The following DST variants were observed in gnomAD, a reference collection of about 807,000 sequenced individuals.
DST encodes the protein bullous pemphigoid antigen.
Under a neutral mutation model 875.2 loss-of-function variants are expected in DST, and 253 were observed. That is an observed-to-expected ratio of 0.29 (90% confidence interval 0.26 to 0.32). The LOEUF is 0.32. Among genes scored for constraint, DST ranks in the 10% least tolerant of loss-of-function variants. The pLI is 1.00. For missense variants in DST, 8,287 were observed against 9,111.6 expected (o/e 0.91, Z 3.68); for synonymous variants, 3,124 against 3,197.1 (o/e 0.98, Z 0.77).
At chr6:56,495,110 T>TA (rs1243347775) in intron 82 of DST, among the ~76,000 whole-genome samples, 7 of 151,802 alleles carry the variant, frequency 4.6e-5, no homozygotes, top group Non-Finnish European at 8.8e-5. Flanking sequence ...TCTTAAGCTT[T>TA]AAAAAAAGCC....
chr6:56,629,146 T>G, intron 32 of DST, 104 bp downstream of exon 32: 1 of 1,132,158 alleles, frequency 8.8e-7, no homozygotes, highest in Non-Finnish European at 1.3e-6. Context: ...AATTAACAAA[T>G]TAACTATGGA....
intron 4 of DST, among the ~76,000 whole-genome samples, chr6:56,798,225 G>A (rs1306096186): frequency 6.6e-6 from 1 of 152,202 alleles, no homozygotes; most frequent in Non-Finnish European, 1.5e-5. Context: ...CTTTATTGGA[G>A]ATGCCACATA....
At chr6:56,469,676 T>G (rs780998935) in intron 97 of DST, among the ~76,000 whole-genome samples, 1 of 152,168 alleles carries the variant, frequency 6.6e-6, no homozygotes, top group African/African-American at 2.4e-5. Flanking sequence ...ATGATGTAGA[T>G]GTCAAAGATA....
At chr6:56,854,915 C>T (rs995796466) in intron 3 of DST, among the ~76,000 whole-genome samples, 1 of 152,164 alleles carries the variant, frequency 6.6e-6, no homozygotes, top group Non-Finnish European at 1.5e-5. Context: ...CAGGTTAAGA[C>T]CCCAATTCAC....
chr6:56,815,545 T>G (rs4348308), intron 4 of DST, among the ~76,000 whole-genome samples: 24,783 of 152,192 alleles, frequency 0.16, 2,235 homozygotes, highest in Non-Finnish European at 0.19. Flanking sequence ...ACTCTGCTTT[T>G]AGAACTGGGT....
Position 56,804,439 on chromosome 6 carries a change from T to C in DST, c.625+46958A>G, listed in dbSNP as rs76750859. ...ACTAAAATTTACTATTGATACTATA[T>C]ACTGATTTAAAGAGAAAGAAATAAC... On this transcript the variant is annotated intron_variant, in intron 4 of 103. Transcript: ENST00000680361. Among the ~76,000 whole-genome samples, 516 of 152,322 alleles carry C rather than the reference T, an allele frequency of 3.4e-3. 4 individuals are homozygous for C. The highest frequency in any genetic ancestry group is 0.012 in the African/African-American group (501 of 41,582).
intron 5 of DST, among the ~76,000 whole-genome samples, chr6:56,724,624 C>T (rs888785175): frequency 2.6e-5 from 4 of 152,212 alleles, no homozygotes; most frequent in African/African-American, 7.2e-5. Flanking sequence ...ATAATCCAAA[C>T]AGTCTCTGCC....
chr6:56,492,809 T>C (rs2095795442), intron 84 of DST, 125 bp downstream of exon 84: 1 of 825,464 alleles, frequency 1.2e-6, no homozygotes, highest in South Asian at 2.4e-5. Context: ...GAGGCAGAGG[T>C]TGAAGTAAGC....
At chr6:56,697,892 T>C (rs1463530001) in intron 9 of DST, among the ~76,000 whole-genome samples, 1 of 152,218 alleles carries the variant, frequency 6.6e-6, no homozygotes, top group African/African-American at 2.4e-5. Flanking sequence ...ATCAACTTTT[T>C]GGCCAGTTCT....
At chr6:56,706,313 CAA>C (rs201903761) in intron 5 of DST, among the ~76,000 whole-genome samples, 3 of 119,682 alleles carry the variant, frequency 2.5e-5, no homozygotes, top group Admixed American at 8.8e-5. Context: ...GACTCCGTCT[CAA>C]AAAAAAAAAA....
chr6:56,500,045 A>G (rs182462319), intron 80 of DST, among the ~76,000 whole-genome samples: 18 of 152,298 alleles, frequency 1.2e-4, no homozygotes, highest in Non-Finnish European at 1.8e-4. Context: ...ATAGAAAAAT[A>G]AAATTTTAAA....
rs144510273 is a variant in DST at position 56,485,862 on chromosome 6, A to C, written c.21048-391T>G. 3.3e-3 allele frequency among the ~76,000 whole-genome samples: 499 copies of C among 152,254 alleles called. 1 individual carries two copies. The highest frequency in any genetic ancestry group is 9.6e-3 in the African/African-American group (400 of 41,532). On this transcript the variant is annotated intron_variant, in intron 87 of 103. Coordinates refer to ENST00000680361, the MANE Select transcript of DST (RefSeq NM_001374736.1). ...TATAGATTCACGTAATCATCACCACAATCAAGATCCAGAACAGTTCAACCA... is the reference window on the plus strand; with the variant it reads ...TATAGATTCACGTAATCATCACCACCATCAAGATCCAGAACAGTTCAACCA...
intron 4 of DST, among the ~76,000 whole-genome samples, chr6:56,842,646 CTGAACCT>C (rs2099801668): frequency 6.6e-6 from 1 of 152,058 alleles, no homozygotes. Context: ...TCTAGTGATG[CTGAACCT>C]TTTCTACAGG....
chr6:56,683,663 A>G (rs1306504381), intron 9 of DST, among the ~76,000 whole-genome samples: 1 of 152,276 alleles, frequency 6.6e-6, no homozygotes, highest in Non-Finnish European at 1.5e-5. Context: ...TATTAAAGAC[A>G]GAAAAAGTAT....
chr6:56,591,675 A>G (rs1237177679), intron 49 of DST, among the ~76,000 whole-genome samples: 1 of 152,168 alleles, frequency 6.6e-6, no homozygotes, highest in Admixed American at 6.5e-5. Context: ...CAAACCTGTT[A>G]AGAAAACATC....
chr6:56,485,019 T>C (rs2095516274), intron 88 of DST: 2 of 302,316 alleles, frequency 6.6e-6, no homozygotes, highest in Non-Finnish European at 1.2e-5. Context: ...AAAACATTCT[T>C]GAAATCTGTT....
At chr6:56,719,607 G>A (rs1404452428) in intron 5 of DST, among the ~76,000 whole-genome samples, 1 of 152,216 alleles carries the variant, frequency 6.6e-6, no homozygotes, top group East Asian at 1.9e-4. Flanking sequence ...TTTCCTCAAA[G>A]AGAATTATCA....
chr6:56,571,479 T>C (rs1478214830), intron 53 of DST, among the ~76,000 whole-genome samples: 1 of 152,204 alleles, frequency 6.6e-6, no homozygotes, highest in Non-Finnish European at 1.5e-5. Flanking sequence ...GACTTTTCTA[T>C]GTTCTGAGGC....
intron 61 of DST, among the ~76,000 whole-genome samples, chr6:56,543,200 G>C (rs770730054): frequency 7.9e-5 from 12 of 152,210 alleles, no homozygotes; most frequent in Non-Finnish European, 1.3e-4. Context: ...GGGCTACATA[G>C]GTCCCTATCC....
Sources: allele counts gnomAD v4.1 joint callset (sites outside exome capture counted in the v4.1 genomes callset), GRCh38; gene constraint gnomAD v4.1.1; transcripts MANE v1.5; gene names NCBI Gene and HGNC (gene_info 2026-07-23, HGNC 2026-07-21).